PHACTR1: variants seen among roughly 807,000 people sequenced by gnomAD.
PHACTR1 encodes RPEL repeat containing 1.
In PHACTR1, 16 loss-of-function variants were observed where a neutral mutation model predicts 69.2. The ratio of observed to expected loss-of-function variants is 0.23; its 90% CI spans 0.16 to 0.35. The LOEUF (loss-of-function observed/expected upper bound fraction) is 0.35, where lower values mean the gene tolerates loss of function less well. PHACTR1 is among the 10% of genes least tolerant of loss of function. PHACTR1 has a pLI of 1.00. For synonymous variants in PHACTR1, 312 were observed against 284.5 expected (o/e 1.10, Z -0.97); for missense variants, 510 against 734.7 (o/e 0.69, Z 3.54).
intron 9 of PHACTR1, 117 bp downstream of exon 9, chr6:13,228,180 T>A: frequency 7.5e-7 from 1 of 1,327,306 alleles, no homozygotes; most frequent in Non-Finnish European, 1.0e-6. Context: ...TGGTGTTGAC[T>A]GGTCCTGGGT....
rs1017210017 is a variant in PHACTR1, at chr6:12,717,492, A to G, written c.-281-17A>G. 2 of 152,046 alleles carry G rather than the reference A, an allele frequency of 1.3e-5. No individual in the cohort carries two copies. The highest frequency in any genetic ancestry group is 4.8e-5 in the African/African-American group (2 of 41,406). The allele number at this position is 152,046 out of a possible 1,614,324, so 9.4% of individuals were successfully genotyped here. ...CAAAGTTTTACACGGGAAACTGGTA[A>G]TTTTCTCCCTTCGCAGGGGAGGGTG... On this transcript the variant is annotated splice_polypyrimidine_tract_variant and intron_variant, in intron 1 of 14. Transcript: ENST00000332995.
At chr6:12,817,711 G>A in intron 4 of PHACTR1, among the ~76,000 whole-genome samples, 1 of 152,066 alleles carries the variant, frequency 6.6e-6, no homozygotes, top group East Asian at 1.9e-4. Context: ...GAAGATGTGG[G>A]TTATATTTTT....
At chr6:13,212,667 G>T (rs1314533548) in intron 8 of PHACTR1, among the ~76,000 whole-genome samples, 1 of 151,954 alleles carries the variant, frequency 6.6e-6, no homozygotes, top group Non-Finnish European at 1.5e-5. Flanking sequence ...TCCCCTCTCT[G>T]TTGCTCCCTC....
At chr6:13,280,681 A>G (rs954924576) in intron 12 of PHACTR1, 3 of 327,696 alleles carry the variant, frequency 9.2e-6, no homozygotes, top group Admixed American at 8.9e-5. Context: ...TCTCTGACCA[A>G]ACTGAGACTA....
intron 4 of PHACTR1, among the ~76,000 whole-genome samples, chr6:13,038,488 TAAAAAAA>T (rs34433834): frequency 8.1e-6 from 1 of 124,192 alleles, no homozygotes; most frequent in Non-Finnish European, 1.7e-5. Context: ...TTCAAGTGTT[TAAAAAAA>T]AAAAAAAAAA....
intron 5 of PHACTR1, among the ~76,000 whole-genome samples, chr6:13,084,916 T>G (rs1185051360): frequency 6.6e-6 from 1 of 152,080 alleles, no homozygotes; most frequent in Non-Finnish European, 1.5e-5. Flanking sequence ...TAAAGAAAAC[T>G]TTATCATTCT....
rs547054491 is a variant in PHACTR1, at chr6:12,880,100, A to T, written c.250+130310A>T. On this transcript the variant is annotated intron_variant, in intron 4 of 14. Transcript: ENST00000332995. ...ACCTAAACTTCACAGCAACCCTTTGAGGTAGGTACTATGATCACCAAGTCT... is the reference window on the plus strand; with the variant it reads ...ACCTAAACTTCACAGCAACCCTTTGTGGTAGGTACTATGATCACCAAGTCT... Among the ~76,000 whole-genome samples the T allele has an allele frequency of 2.6e-5, 4 of 152,250 alleles. No individual in the cohort carries two copies. In the East Asian group the frequency reaches 7.7e-4, roughly 29 times the overall value.
chr6:12,961,737 C>G (rs896551785), intron 4 of PHACTR1, among the ~76,000 whole-genome samples: 2 of 152,164 alleles, frequency 1.3e-5, no homozygotes, highest in African/African-American at 4.8e-5. Flanking sequence ...TACTGGGTAG[C>G]TTAAACAATA....
At chr6:13,076,025 ATCTTTT>A (rs773284207) in intron 5 of PHACTR1, among the ~76,000 whole-genome samples, 1 of 115,550 alleles carries the variant, frequency 8.7e-6, no homozygotes, top group Admixed American at 8.8e-5. Flanking sequence ...GCAAGGGAGC[ATCTTTT>A]TTTTTTTTTT....
Position 13,205,864 on chromosome 6 carries a change from T to G in PHACTR1, c.714T>G (p.Pro238=). The G allele has an allele frequency of 1.9e-6, 3 of 1,598,062 alleles. No homozygotes were observed. Among genetic ancestry groups the G allele is most frequent in the Non-Finnish European group, 2.6e-6 (3 of 1,166,860 alleles). ...KLPCLPVKLS[P]PLPPKKVMIC... ...CTTGTCTGCCAGTGAAACTGTCGCC[T>G]CCGCTACCTCCAAAGAAAGTCATGA... Residue 238 remains proline (P), a synonymous_variant, in exon 8 of 15, where the codon CCT becomes CCG. Transcript: ENST00000332995.
At chr6:13,027,201 T>C (rs1801816754) in intron 4 of PHACTR1, among the ~76,000 whole-genome samples, 1 of 152,178 alleles carries the variant, frequency 6.6e-6, no homozygotes, top group Non-Finnish European at 1.5e-5. Context: ...AATGCTCTCT[T>C]ACTTTGCTTG....
At chr6:13,269,048 C>T (rs2127439034) in intron 10 of PHACTR1, among the ~76,000 whole-genome samples, 1 of 152,274 alleles carries the variant, frequency 6.6e-6, no homozygotes, top group East Asian at 1.9e-4. Context: ...CTAATGAGAT[C>T]AATGGGATGG....
In PHACTR1 at chr6:12,925,108, A is replaced by T. The variant is rs190098977; in HGVS notation, c.251-128257A>T. Among the ~76,000 whole-genome samples the T allele has an allele frequency of 1.6e-3, 245 of 152,296 alleles. 1 individual carries two copies. The highest frequency in any genetic ancestry group is 5.5e-3 in the African/African-American group (230 of 41,554). On this transcript the variant is annotated intron_variant, in intron 4 of 14. Coordinates refer to ENST00000332995, the MANE Select transcript of PHACTR1 (RefSeq NM_030948.6). The stretch of plus-strand genomic sequence containing the variant: ...TGGCAGTGGCTGCTAAAATGCACAC[A>T]CAGCAGATGTCATTTGTATTTTATA...
intron 5 of PHACTR1, among the ~76,000 whole-genome samples, chr6:13,061,979 A>T (rs1363469690): frequency 6.6e-6 from 1 of 152,204 alleles, no homozygotes; most frequent in African/African-American, 2.4e-5. Context: ...ATCAGGCAGC[A>T]GCTTCAGATA....
chr6:13,081,458 G>C (rs1372836309), intron 5 of PHACTR1, among the ~76,000 whole-genome samples: 1 of 152,140 alleles, frequency 6.6e-6, no homozygotes. Flanking sequence ...ATATCTCTTT[G>C]CACAATGCCC....
chr6:12,969,345 TAAAAG>T (rs1265856052), intron 4 of PHACTR1, among the ~76,000 whole-genome samples: 1 of 152,186 alleles, frequency 6.6e-6, no homozygotes, highest in Non-Finnish European at 1.5e-5. Context: ...GTGTTCCTGA[TAAAAG>T]AAAGAGCCAA....
chr6:13,058,780 G>A (rs753848420), intron 5 of PHACTR1, among the ~76,000 whole-genome samples: 2 of 152,146 alleles, frequency 1.3e-5, no homozygotes, highest in Non-Finnish European at 2.9e-5. Context: ...CAAAGGCCCT[G>A]TGGTAGAAGA....
At chr6:13,133,033 T>A (rs1181550312) in intron 5 of PHACTR1, among the ~76,000 whole-genome samples, 1 of 152,202 alleles carries the variant, frequency 6.6e-6, no homozygotes, top group Non-Finnish European at 1.5e-5. Context: ...TCAACTAAGT[T>A]AATATAATAT....
intron 5 of PHACTR1, among the ~76,000 whole-genome samples, chr6:13,156,713 C>G (rs1247764194): frequency 1.3e-5 from 2 of 152,206 alleles, no homozygotes; most frequent in East Asian, 3.8e-4. Context: ...CATGCATCCT[C>G]CAACCCCGAT....
Sources: gnomAD v4.1 joint callset for allele counts (sites outside exome capture counted in the v4.1 genomes callset) on GRCh38, gnomAD v4.1.1 for gene constraint, MANE v1.5 for transcripts, NCBI Gene and HGNC (gene_info 2026-07-23, HGNC 2026-07-21) for gene names.